Variants in EFCAB11 observed in about 807,000 individuals in gnomAD.
EFCAB11 encodes EF-hand calcium-binding domain-containing protein 11.
In EFCAB11, 14 loss-of-function variants were observed where a neutral mutation model predicts 23.0. The ratio of observed to expected loss-of-function variants is 0.61; its 90% CI spans 0.40 to 0.95. The LOEUF (loss-of-function observed/expected upper bound fraction) is 0.95, where lower values mean the gene tolerates loss of function less well. Ranked by LOEUF, EFCAB11 falls within the 40% of genes least tolerant of loss-of-function variation. The pLI is 0.00. For synonymous variants in EFCAB11, 65 were observed against 66.6 expected, an observed-to-expected ratio of 0.98 and a Z score of 0.11; for missense variants, 198 against 195.8, an observed-to-expected ratio of 1.01 and a Z score of -0.07.
chr14:89,856,182 C>A (rs1238627229), intron 5 of EFCAB11, among the ~76,000 whole-genome samples: 1 of 93,140 alleles, frequency 1.1e-5, no homozygotes, highest in Non-Finnish European at 2.6e-5. Context: ...TTTAATTTCT[C>A]TCTCTCTCTC....
chr14:89,937,591 T>A (rs1890629941), intron 3 of EFCAB11, among the ~76,000 whole-genome samples: 2 of 152,168 alleles, frequency 1.3e-5, no homozygotes, highest in South Asian at 4.1e-4. Flanking sequence ...TACAGCGCGA[T>A]CTTGGCTCAC....
chr14:89,878,145 C>A (rs958480651), intron 5 of EFCAB11, among the ~76,000 whole-genome samples: 17 of 152,122 alleles, frequency 1.1e-4, no homozygotes, highest in Non-Finnish European at 2.5e-4. Flanking sequence ...TTCTAGCTTG[C>A]AGGTGGGACG....
At chr14:89,931,478 A>G in intron 5 of EFCAB11, 63 bp downstream of exon 5, 1 of 1,429,620 alleles carries the variant, frequency 7.0e-7, no homozygotes, top group South Asian at 1.2e-5. Context: ...CCATAAAGTC[A>G]AAAACATGTA....
intron 3 of EFCAB11, among the ~76,000 whole-genome samples, chr14:89,942,164 T>C (rs1890817901): frequency 6.6e-6 from 1 of 152,218 alleles, no homozygotes; most frequent in East Asian, 1.9e-4. Flanking sequence ...TGTGGAACTG[T>C]GAGTCAATTA....
At chr14:89,870,219 A>C (rs1432007222) in intron 5 of EFCAB11, among the ~76,000 whole-genome samples, 1 of 152,166 alleles carries the variant, frequency 6.6e-6, no homozygotes, top group Admixed American at 6.5e-5. Flanking sequence ...CATTAAGCTA[A>C]AATAATTTTA....
At chr14:89,944,056 T>C (rs866769486) in intron 3 of EFCAB11, among the ~76,000 whole-genome samples, 1 of 152,224 alleles carries the variant, frequency 6.6e-6, no homozygotes, top group African/African-American at 2.4e-5. Context: ...CCTTCAGCAA[T>C]AGTCACACTT....
chr14:89,949,958 G>A lies in EFCAB11; in HGVS notation c.217+139C>T, dbSNP rs142902642. The stretch of plus-strand genomic sequence containing the variant: ...CATGAGAACAACATGCGAAAAACCC[G>A]CCCCCATGATTCAGTTACCTTCCAC... On this transcript the variant is annotated intron_variant, in intron 3 of 5. Coordinates refer to ENST00000316738, the MANE Select transcript of EFCAB11 (RefSeq NM_145231.4). The A allele has an allele frequency of 0.014, 12,606 of 900,476 alleles. 144 individuals carry two copies. Among genetic ancestry groups the A allele is most frequent in the Middle Eastern group, 0.026 (81 of 3,132 alleles). 55.8% of individuals were successfully genotyped at this position (900,476 alleles called of 1,614,324 possible). A position where few individuals can be genotyped will look rare whatever the true frequency, so the allele number is the denominator to read the frequency against.
intron 5 of EFCAB11, among the ~76,000 whole-genome samples, chr14:89,898,883 A>G (rs1413688754): frequency 1.3e-5 from 2 of 151,850 alleles, no homozygotes; most frequent in African/African-American, 2.4e-5. Context: ...TATGTTGCCC[A>G]GGCTGGTCTT....
chr14:89,802,828 T>C (rs924382770), intron 5 of EFCAB11, among the ~76,000 whole-genome samples: 5 of 152,284 alleles, frequency 3.3e-5, no homozygotes, highest in African/African-American at 7.2e-5. Flanking sequence ...ATATTACTTA[T>C]ATCTTTTTCA....
chr14:89,949,991 C>G (rs866310856), intron 3 of EFCAB11, 106 bp downstream of exon 3: 74 of 1,260,264 alleles, frequency 5.9e-5, no homozygotes, highest in Non-Finnish European at 7.5e-5. Context: ...CACCAGGTCC[C>G]TTCCACAACA....
intron 5 of EFCAB11, among the ~76,000 whole-genome samples, chr14:89,907,968 T>C (rs545302080): frequency 4.9e-4 from 74 of 152,332 alleles, no homozygotes; most frequent in African/African-American, 1.7e-3. Context: ...AGAACAGGGC[T>C]TGGCACACAG....
At chr14:89,803,177 G>A (rs935993974) in intron 5 of EFCAB11, among the ~76,000 whole-genome samples, 1 of 152,154 alleles carries the variant, frequency 6.6e-6, no homozygotes, top group Non-Finnish European at 1.5e-5. Context: ...AGGAATCACA[G>A]TTTAAGGCAA....
At chr14:89,798,625 G>A (rs1184843454) in intron 5 of EFCAB11, among the ~76,000 whole-genome samples, 1 of 152,196 alleles carries the variant, frequency 6.6e-6, no homozygotes, top group African/African-American at 2.4e-5. Context: ...CAGAGGGTGA[G>A]TTAAGTGAAT....
chr14:89,819,600 T>TA (rs978616178), intron 5 of EFCAB11, among the ~76,000 whole-genome samples: 3 of 150,630 alleles, frequency 2.0e-5, no homozygotes, highest in Non-Finnish European at 3.0e-5. Context: ...CAGCTAATTA[T>TA]AAAAAAAACC....
At chr14:89,825,497 G>GAA (rs1886659848) in intron 5 of EFCAB11, among the ~76,000 whole-genome samples, 1 of 151,580 alleles carries the variant, frequency 6.6e-6, no homozygotes. Context: ...CAATTAACTG[G>GAA]AAAATGAAAA....
At chr14:89,940,606 CAA>C (rs1236394628) in intron 3 of EFCAB11, among the ~76,000 whole-genome samples, 8 of 152,080 alleles carry the variant, frequency 5.3e-5, no homozygotes, top group African/African-American at 1.9e-4. Context: ...TTCCATCATT[CAA>C]AGTTGAGGGT....
chr14:89,849,438 T>A (rs928259912), intron 5 of EFCAB11, among the ~76,000 whole-genome samples: 1 of 152,194 alleles, frequency 6.6e-6, no homozygotes, highest in African/African-American at 2.4e-5. Flanking sequence ...GATGGTGTAA[T>A]CTATTTTGGT....
At chr14:89,926,079 G>A (rs936998947) in intron 5 of EFCAB11, among the ~76,000 whole-genome samples, 1 of 152,072 alleles carries the variant, frequency 6.6e-6, no homozygotes, top group East Asian at 1.9e-4. Flanking sequence ...GCCTCCCAAA[G>A]TGTTGGATTA....
intron 5 of EFCAB11, among the ~76,000 whole-genome samples, chr14:89,861,749 C>T (rs1887929420): frequency 1.3e-5 from 2 of 152,120 alleles, no homozygotes; most frequent in African/African-American, 4.8e-5. Flanking sequence ...GGAAGAGAGA[C>T]CTGAGCTGAC....
Sources: allele counts gnomAD v4.1 joint callset (sites outside exome capture counted in the v4.1 genomes callset), GRCh38; gene constraint gnomAD v4.1.1; transcripts MANE v1.5; gene names NCBI Gene and HGNC (gene_info 2026-07-23, HGNC 2026-07-21).